RSPO2: variants seen among roughly 807,000 people sequenced by gnomAD.
The protein encoded by RSPO2 is R-spondin-2.
A neutral mutation model predicts 30.9 loss-of-function variants in RSPO2; 14 were observed. The ratio of observed to expected loss-of-function variants is 0.45; its 90% CI spans 0.30 to 0.71. The LOEUF is 0.71. Among genes scored for constraint, RSPO2 ranks in the 30% least tolerant of loss-of-function variants. The pLI is 0.08. For synonymous variants in RSPO2, 107 were observed against 96.4 expected (o/e 1.11, Z -0.64); for missense variants, 264 against 301.9 (o/e 0.87, Z 0.93).
At chr8:107,902,070 G>GA (rs779998093) in intron 5 of RSPO2, among the ~76,000 whole-genome samples, 5 of 152,096 alleles carry the variant, frequency 3.3e-5, no homozygotes, top group Non-Finnish European at 5.9e-5. Context: ...AAGATTTTGA[G>GA]AAAAAAGAAT....
At chr8:107,982,774 A>G (rs1814490049) in intron 3 of RSPO2, among the ~76,000 whole-genome samples, 2 of 152,182 alleles carry the variant, frequency 1.3e-5, no homozygotes, top group Admixed American at 1.3e-4. Flanking sequence ...GACATTGACC[A>G]CTTACTTCTC....
chr8:107,960,671 C>T lies in RSPO2; in HGVS notation c.427+3G>A. 6.2e-7 allele frequency: 1 copy of T among 1,608,558 alleles called. No homozygotes were observed. Among genetic ancestry groups the T allele is most frequent in the Non-Finnish European group, 8.5e-7 (1 of 1,178,624 alleles). On this transcript the variant is annotated splice_donor_region_variant and intron_variant, in intron 4 of 5. Coordinates refer to ENST00000276659, the MANE Select transcript of RSPO2 (RefSeq NM_178565.5). ...ATTGAGAGTTACATTAAAAACTACTCACCCACACATTCCATGGTTTCTTCT... is the reference window on the plus strand; with the variant it reads ...ATTGAGAGTTACATTAAAAACTACTTACCCACACATTCCATGGTTTCTTCT...
Position 108,082,817 on chromosome 8 carries a change from A to T in RSPO2, c.-169-10T>A. On this transcript the variant is annotated splice_polypyrimidine_tract_variant and intron_variant, in intron 1 of 5. Coordinates refer to ENST00000276659, the MANE Select transcript of RSPO2 (RefSeq NM_178565.5). ...TCTCTCCGCCACGAACCTGAGAGACAAGAAGCGAAAACAGGGTGTGTGGGG... is the reference window on the plus strand; with the variant it reads ...TCTCTCCGCCACGAACCTGAGAGACTAGAAGCGAAAACAGGGTGTGTGGGG... 1.7e-6 allele frequency: 1 copy of T among 575,962 alleles called. No homozygotes were observed. The highest frequency in any genetic ancestry group is 2.9e-5 in the East Asian group (1 of 34,346). The allele number at this position is 575,962 out of a possible 1,614,324, so 35.7% of individuals were successfully genotyped here. A position where few individuals can be genotyped will look rare whatever the true frequency, so the allele number is the denominator to read the frequency against.
intron 2 of RSPO2, among the ~76,000 whole-genome samples, chr8:108,030,258 A>G (rs1435624013): frequency 6.6e-6 from 1 of 152,114 alleles, no homozygotes. Flanking sequence ...GGAGAAACCC[A>G]AGCAGTATTC....
At chr8:107,995,633 A>G (rs971045852) in intron 2 of RSPO2, among the ~76,000 whole-genome samples, 24 of 152,034 alleles carry the variant, frequency 1.6e-4, no homozygotes, top group African/African-American at 5.8e-4. Context: ...CTCATTCAAG[A>G]TCTCATTCTC....
At chr8:107,974,243 T>C (rs757208022) in intron 3 of RSPO2, among the ~76,000 whole-genome samples, 12 of 151,474 alleles carry the variant, frequency 7.9e-5, no homozygotes, top group Non-Finnish European at 1.3e-4. Flanking sequence ...TTCCAACACT[T>C]TGGGAGGCCG....
chr8:108,082,973 A>T (rs552888314), intron 1 of RSPO2, 166 bp from the exon 2 acceptor site: 33 of 286,484 alleles, frequency 1.2e-4, no homozygotes, highest in Non-Finnish European at 1.9e-4. Flanking sequence ...GCAGCTGCGG[A>T]CGAGTTGGAG....
chr8:107,934,125 T>C lies in RSPO2; in HGVS notation c.616+23955A>G, dbSNP rs117870361. Among the ~76,000 whole-genome samples, 169 of 152,304 alleles carry C rather than the reference T, an allele frequency of 1.1e-3. 2 individuals carry two copies. In the East Asian group the frequency reaches 0.027, roughly 24 times the overall value. ...TGTTTTACAATACAAAATTAAGTTC[T>C]GGCAAGATGTCGTAAGGCTAGTACT... On this transcript the variant is annotated intron_variant, in intron 5 of 5. Transcript: ENST00000276659.
Position 107,960,964 on chromosome 8 carries a change from G to A in RSPO2, c.284-147C>T, listed in dbSNP as rs900173544. The A allele has an allele frequency of 9.2e-5, 58 of 631,152 alleles. No homozygotes were observed. The Admixed American group carries it at 1.3e-3, about 14-fold the overall frequency. The allele number at this position is 631,152 out of a possible 1,614,324, so 39.1% of individuals were successfully genotyped here. A position where few individuals can be genotyped will look rare whatever the true frequency, so the allele number is the denominator to read the frequency against. ...TTGTTTAACTCATTTGTTTCCTAGC[G>A]CCATCTCATTCTAAGTCATCCCTGT... is the stretch of plus-strand genomic sequence containing the variant. On this transcript the variant is annotated intron_variant, in intron 3 of 5. Coordinates refer to ENST00000276659, the MANE Select transcript of RSPO2 (RefSeq NM_178565.5).
chr8:107,906,216 T>G (rs1367827271), intron 5 of RSPO2, among the ~76,000 whole-genome samples: 8 of 151,938 alleles, frequency 5.3e-5, no homozygotes, highest in Non-Finnish European at 8.8e-5. Flanking sequence ...GGACAAAGAT[T>G]CATGCACAGG....
intron 2 of RSPO2, among the ~76,000 whole-genome samples, chr8:108,062,574 T>A (rs374114704): frequency 7.9e-5 from 12 of 151,814 alleles, no homozygotes; most frequent in Middle Eastern, 3.4e-3. Flanking sequence ...CCAGGACCAG[T>A]TGGATTCACA....
intron 2 of RSPO2, among the ~76,000 whole-genome samples, chr8:108,057,763 C>G (rs1230843228): frequency 6.6e-6 from 1 of 152,096 alleles, no homozygotes; most frequent in Non-Finnish European, 1.5e-5. Flanking sequence ...CCCTGACTTG[C>G]AATATAACCA....
chr8:108,049,549 C>T (rs1016226533), intron 2 of RSPO2, among the ~76,000 whole-genome samples: 4 of 151,822 alleles, frequency 2.6e-5, no homozygotes, highest in Non-Finnish European at 5.9e-5. Context: ...TGCTCTCCCT[C>T]CCCTTGCCCC....
At position 108,060,996 on chromosome 8, in the gene RSPO2, TCAC is replaced by T. The variant is rs1315509867; in HGVS notation, c.94+21546_94+21548del. 2.6e-5 allele frequency among the ~76,000 whole-genome samples: 4 copies of T among 151,690 alleles called. 1 individual carries two copies. Among genetic ancestry groups the T allele is most frequent in the African/African-American group, 9.7e-5 (4 of 41,052 alleles). The stretch of plus-strand genomic sequence containing the variant: ...GACAAGCAAATGCTGAGAGATTCTG[TCAC>T]CACCAGGCCTGCCCTAAAAGAGCTC... On this transcript the variant is annotated intron_variant, in intron 2 of 5. Transcript: ENST00000276659.
chr8:108,079,174 T>A (rs369397084), intron 2 of RSPO2, among the ~76,000 whole-genome samples: 1 of 152,176 alleles, frequency 6.6e-6, no homozygotes, highest in African/African-American at 2.4e-5. Context: ...AATCTTAATA[T>A]GCTACATGGA....
chr8:107,976,234 G>A (rs986660067), intron 3 of RSPO2, among the ~76,000 whole-genome samples: 1 of 152,112 alleles, frequency 6.6e-6, no homozygotes, highest in African/African-American at 2.4e-5. Flanking sequence ...TTTTTATGAT[G>A]GGCAGTTGAA....
At chr8:107,914,054 G>C (rs1229496180) in intron 5 of RSPO2, among the ~76,000 whole-genome samples, 2 of 152,106 alleles carry the variant, frequency 1.3e-5, no homozygotes, top group Non-Finnish European at 2.9e-5. Context: ...CAGTGAATCA[G>C]AGGTATCCAA....
At chr8:108,041,803 C>A (rs556004277) in intron 2 of RSPO2, among the ~76,000 whole-genome samples, 11 of 152,050 alleles carry the variant, frequency 7.2e-5, no homozygotes, top group Admixed American at 3.3e-4. Context: ...GAGTAAATCC[C>A]AACTGAGACC....
intron 3 of RSPO2, among the ~76,000 whole-genome samples, chr8:107,966,624 A>T (rs1441561841): frequency 6.6e-6 from 1 of 152,180 alleles, no homozygotes; most frequent in African/African-American, 2.4e-5. Context: ...GCCAAAGATC[A>T]TGCAACTATC....
Sources: allele counts gnomAD v4.1 joint callset (sites outside exome capture counted in the v4.1 genomes callset), GRCh38; gene constraint gnomAD v4.1.1; transcripts MANE v1.5; gene names NCBI Gene and HGNC (gene_info 2026-07-23, HGNC 2026-07-21).